The following FAM13C variants were observed in gnomAD, a reference collection of about 807,000 sequenced individuals.
The protein encoded by FAM13C is family with sequence similarity 13 member C, also known as protein FAM13C.
FAM13C carries 37 observed loss-of-function variants against 73.2 expected under a neutral mutation model. The observed-to-expected ratio is 0.51, with a 90% confidence interval of 0.39 to 0.67. FAM13C has a LOEUF of 0.67. Ranked by LOEUF, FAM13C falls within the 30% of genes least tolerant of loss-of-function variation. The pLI is 0.00. For missense variants in FAM13C, 589 were observed against 715.6 expected, an observed-to-expected ratio of 0.82 and a Z score of 2.02; for synonymous variants, 246 against 260.9, an observed-to-expected ratio of 0.94 and a Z score of 0.55.
intron 1 of FAM13C, among the ~76,000 whole-genome samples, chr10:59,358,285 C>G (rs986571691): frequency 6.6e-5 from 10 of 152,024 alleles, no homozygotes; most frequent in African/African-American, 2.4e-4. Flanking sequence ...GGCTGAGGCA[C>G]GAGAACCACT....
intron 10 of FAM13C, among the ~76,000 whole-genome samples, chr10:59,260,542 G>C (rs1176575265): frequency 6.6e-6 from 1 of 151,914 alleles, no homozygotes; most frequent in Non-Finnish European, 1.5e-5. Flanking sequence ...GTCACCTCTT[G>C]GCCTTCCTAA....
At chr10:59,333,206 G>A (rs759019811) in intron 3 of FAM13C, among the ~76,000 whole-genome samples, 4 of 152,156 alleles carry the variant, frequency 2.6e-5, no homozygotes, top group Non-Finnish European at 5.9e-5. Flanking sequence ...CCTCTGAGCT[G>A]AGGTTTAAGA....
At chr10:59,338,501 T>C (rs1466720237) in intron 3 of FAM13C, among the ~76,000 whole-genome samples, 2 of 152,152 alleles carry the variant, frequency 1.3e-5, no homozygotes, top group East Asian at 3.8e-4. Flanking sequence ...TGTGCCAAAA[T>C]TGATAATAAA....
chr10:59,328,027 G>A (rs934739437), intron 3 of FAM13C, among the ~76,000 whole-genome samples: 56 of 152,138 alleles, frequency 3.7e-4, no homozygotes, highest in African/African-American at 1.2e-3. Context: ...TGGAAGAAAA[G>A]GCATCCCACA....
At chr10:59,252,066 T>A (rs1841435193) in intron 12 of FAM13C, among the ~76,000 whole-genome samples, 1 of 152,146 alleles carries the variant, frequency 6.6e-6, no homozygotes, top group Non-Finnish European at 1.5e-5. Flanking sequence ...AAAATTCTAT[T>A]CTTAATCTAG....
intron 3 of FAM13C, among the ~76,000 whole-genome samples, chr10:59,328,880 G>T (rs1198987116): frequency 6.6e-6 from 1 of 152,128 alleles, no homozygotes; most frequent in East Asian, 1.9e-4. Flanking sequence ...TATATTTTCA[G>T]TTCTTAAGGT....
intron 1 of FAM13C, among the ~76,000 whole-genome samples, chr10:59,357,415 G>A (rs1169812044): frequency 6.6e-6 from 1 of 152,036 alleles, no homozygotes; most frequent in Non-Finnish European, 1.5e-5. Context: ...TATTTTCCTA[G>A]ATATATTGCC....
chr10:59,315,016 C>A (rs1429152248), intron 4 of FAM13C, among the ~76,000 whole-genome samples: 14 of 152,114 alleles, frequency 9.2e-5, no homozygotes, highest in Admixed American at 9.2e-4. Flanking sequence ...AAAAATAAAT[C>A]TGTTCTCTCC....
chr10:59,340,111 A>C (rs1224012997), intron 3 of FAM13C, among the ~76,000 whole-genome samples: 1 of 152,210 alleles, frequency 6.6e-6, no homozygotes, highest in Non-Finnish European at 1.5e-5. Context: ...CAGATGCTGT[A>C]ATAAACCCTA....
intron 3 of FAM13C, among the ~76,000 whole-genome samples, chr10:59,344,871 C>T (rs1854088672): frequency 6.6e-6 from 1 of 152,058 alleles, no homozygotes; most frequent in Admixed American, 6.6e-5. Flanking sequence ...ACAGTAGAGG[C>T]AGCAGGTCTC....
rs752357149 is a variant in FAM13C at position 59,357,360 on chromosome 10, C to A, written c.63-1417G>T. Among the ~76,000 whole-genome samples, 7 of 152,268 alleles carry A rather than the reference C, an allele frequency of 4.6e-5. No homozygotes were observed. The South Asian group carries it at 1.5e-3, about 32-fold the overall frequency. On this transcript the variant is annotated intron_variant, in intron 1 of 13. Coordinates refer to ENST00000618804, the MANE Select transcript of FAM13C (RefSeq NM_198215.4). ...TTGTAAACCTTTGTACCACTGAGAT[C>A]TTTTTGATTAGTTATTAATTCCATG...
intron 3 of FAM13C, 55 bp from the exon 4 acceptor site, chr10:59,324,161 GCA>G (rs1589614821): frequency 7.3e-7 from 1 of 1,363,144 alleles, no homozygotes; most frequent in East Asian, 2.3e-5. Context: ...CAGTTCCATA[GCA>G]TTATTATGCT....
chr10:59,277,666 C>T (rs1844467347), intron 6 of FAM13C, among the ~76,000 whole-genome samples: 1 of 152,156 alleles, frequency 6.6e-6, no homozygotes, highest in Non-Finnish European at 1.5e-5. Flanking sequence ...TCTCTTCAGT[C>T]TGACAAGACA....
In FAM13C at chr10:59,246,888, T is replaced by A; in HGVS notation, c.*726A>T. The A allele has an allele frequency of 2.9e-6, 1 of 346,802 alleles. No individual in the cohort carries two copies. Among genetic ancestry groups the A allele is most frequent in the Non-Finnish European group, 5.1e-6 (1 of 194,844 alleles). 21.5% of individuals were successfully genotyped at this position (346,802 alleles called of 1,614,324 possible). A position where few individuals can be genotyped will look rare whatever the true frequency, so the allele number is the denominator to read the frequency against. ...ATCTATCCAAAATACCTATTTTAAATTTTTAATACAATATTTTATTTTAAT... is the reference window on the plus strand; with the variant it reads ...ATCTATCCAAAATACCTATTTTAAAATTTTAATACAATATTTTATTTTAAT... On this transcript the variant is annotated 3_prime_UTR_variant, in exon 14 of 14. Transcript: ENST00000618804.
intron 3 of FAM13C, among the ~76,000 whole-genome samples, chr10:59,334,453 G>A (rs186485805): frequency 7.4e-4 from 113 of 152,242 alleles, no homozygotes; most frequent in African/African-American, 2.5e-3. Flanking sequence ...AAAGACACAT[G>A]CACACGTATG....
At chr10:59,252,718 C>T in intron 12 of FAM13C, 81 bp downstream of exon 12, 1 of 1,434,688 alleles carries the variant, frequency 7.0e-7, no homozygotes. Flanking sequence ...CCAGCATTTT[C>T]AAAGGCCAGC....
At chr10:59,269,468 GC>G (rs1428912627) in intron 7 of FAM13C, among the ~76,000 whole-genome samples, 2 of 149,036 alleles carry the variant, frequency 1.3e-5, no homozygotes, top group African/African-American at 5.1e-5. Context: ...GATGAGGGTA[GC>G]TATTGTAAGC....
In FAM13C at chr10:59,284,031, A is replaced by G. The variant is rs926905403; in HGVS notation, c.508-584T>C. 1.1e-3 allele frequency among the ~76,000 whole-genome samples: 171 copies of G among 149,098 alleles called. 1 individual carries two copies. Among genetic ancestry groups the G allele is most frequent in the African/African-American group, 4.0e-3 (161 of 40,666 alleles). ...CTAGTCCACATTGGTATGCTGGGGT[A>G]TGTGTGTGTGTGTGTGTGTGTGTCT... On this transcript the variant is annotated intron_variant, in intron 5 of 13. Transcript: ENST00000618804.
chr10:59,299,655 G>T (rs1192515596), intron 5 of FAM13C, among the ~76,000 whole-genome samples: 1 of 152,004 alleles, frequency 6.6e-6, no homozygotes, highest in African/African-American at 2.4e-5. Flanking sequence ...TATCTTTCAA[G>T]TACCTTTCTG....
Sources: gnomAD v4.1 joint callset for allele counts (sites outside exome capture counted in the v4.1 genomes callset) on GRCh38, gnomAD v4.1.1 for gene constraint, MANE v1.5 for transcripts, NCBI Gene and HGNC (gene_info 2026-07-23, HGNC 2026-07-21) for gene names.